CASZ1: variants seen among roughly 807,000 people sequenced by gnomAD.
CASZ1 encodes the protein zinc finger protein castor homolog 1.
CASZ1 carries 28 observed loss-of-function variants against 135.2 expected under a neutral mutation model. The ratio of observed to expected loss-of-function variants is 0.21; its 90% CI spans 0.15 to 0.28. The LOEUF is 0.28. Among genes scored for constraint, CASZ1 ranks in the 10% least tolerant of loss-of-function variants. The probability of loss-of-function intolerance (pLI) is 1.00; values close to 1 mark genes in which losing one functional copy is unlikely to be tolerated. For synonymous variants in CASZ1, 1,068 were observed against 1,073.4 expected (o/e 0.99, Z 0.10); for missense variants, 2,161 against 2,453.3 (o/e 0.88, Z 2.52).
At chr1:10,653,092 G>A (rs1642649289) in intron 11 of CASZ1, 3 of 483,266 alleles carry the variant, frequency 6.2e-6, no homozygotes, top group South Asian at 4.1e-5. Context: ...GACCTGCAGT[G>A]GCCCCAGGGA....
rs1382673018 is a variant in CASZ1, at chr1:10,697,342, G to C, written c.-23-3430C>G. ...CCATCTTTGCCTTGAGGACACCTGA[G>C]ACCCCAAAGCCAGGCCACAGTGAGG... On this transcript the variant is annotated intron_variant, in intron 3 of 20. Coordinates refer to ENST00000377022, the MANE Select transcript of CASZ1 (RefSeq NM_001079843.3). The surrounding 1 kb of genome is among the most constrained non-coding windows in gnomAD (Gnocchi z 4.7). Among the ~76,000 whole-genome samples, 1 of 151,890 alleles carries C rather than the reference G, an allele frequency of 6.6e-6. No homozygotes were observed. Among genetic ancestry groups the C allele is most frequent in the African/African-American group, 2.4e-5 (1 of 41,282 alleles).
At chr1:10,693,303 A>G (rs1638823933) in intron 4 of CASZ1, among the ~76,000 whole-genome samples, 1 of 152,094 alleles carries the variant, frequency 6.6e-6, no homozygotes, top group South Asian at 2.1e-4. Context: ...CTCATTAGCC[A>G]TAATAAGCAG....
In CASZ1 at chr1:10,644,979, G is replaced by A. The variant is rs769941058; in HGVS notation, c.3806C>T (p.Ala1269Val). Reference protein sequence around the residue: ...LPWHIKKHEKAERRAANGFKY... With the variant: ...LPWHIKKHEKVERRAANGFKY... ...GAAGCCATTGGCTGCCCGCCGCTCC[G>A]CCTTCTCATGCTTCTTGATGTGCCA... The change falls in exon 18 of 21, where the codon GCG becomes GTG. Residue 1269 changes from alanine to valine, a missense_variant. By Grantham distance (64) the Ala-to-Val change is moderately conservative. Transcript: ENST00000377022. 34 of 1,613,860 alleles carry A rather than the reference G, an allele frequency of 2.1e-5. No homozygotes were observed. The highest frequency in any genetic ancestry group is 3.3e-5 in the South Asian group (3 of 91,086).
chr1:10,669,027 G>A (rs1484977077), intron 4 of CASZ1, among the ~76,000 whole-genome samples: 1 of 152,222 alleles, frequency 6.6e-6, no homozygotes, highest in Non-Finnish European at 1.5e-5. Context: ...CTCTCAGGGC[G>A]CCACGAGCAG....
intron 2 of CASZ1, among the ~76,000 whole-genome samples, chr1:10,758,492 C>T (rs534504062): frequency 5.3e-5 from 8 of 152,162 alleles, no homozygotes; most frequent in South Asian, 4.2e-4. Flanking sequence ...CCACTATACA[C>T]GGCTAATTTT....
chr1:10,750,934 AAAT>A (rs1640139364), intron 2 of CASZ1, among the ~76,000 whole-genome samples: 1 of 150,674 alleles, frequency 6.6e-6, no homozygotes. Context: ...ATAAAATAAA[AAAT>A]AAAAGGAGGC....
Position 10,643,018 on chromosome 1 carries a change from T to C in CASZ1, c.4021-18A>G, listed in dbSNP as rs1056895613. 1 of 1,609,382 alleles carries C rather than the reference T, an allele frequency of 6.2e-7. No individual in the cohort carries two copies. ...GGGGGGCCCTGAAAGGACACGGGGG[T>C]CCCTGAGGAAGTGGGGCTGTGGGGT... On this transcript the variant is annotated intron_variant, in intron 19 of 20. Coordinates refer to ENST00000377022, the MANE Select transcript of CASZ1 (RefSeq NM_001079843.3).
intron 2 of CASZ1, among the ~76,000 whole-genome samples, chr1:10,738,733 G>A (rs1288656917): frequency 1.3e-5 from 2 of 152,196 alleles, no homozygotes; most frequent in African/African-American, 4.8e-5. Context: ...GGGAGGAGAG[G>A]GAGGCAGGCC....
chr1:10,690,194 G>A (rs1638719343), intron 4 of CASZ1, among the ~76,000 whole-genome samples: 1 of 152,230 alleles, frequency 6.6e-6, no homozygotes, highest in Non-Finnish European at 1.5e-5. Context: ...CCCGGTGCCT[G>A]GCAGGTCGAA....
chr1:10,715,059 C>G (rs750228958), intron 2 of CASZ1, among the ~76,000 whole-genome samples: 1 of 152,228 alleles, frequency 6.6e-6, no homozygotes, highest in African/African-American at 2.4e-5. Context: ...ACGGGCTCCA[C>G]CTTTCCTCGG....
chr1:10,636,788 C>T lies in CASZ1; in HGVS notation c.*2154G>A, dbSNP rs935515188. On this transcript the variant is annotated 3_prime_UTR_variant, in exon 21 of 21. Transcript: ENST00000377022. Reference sequence around the variant, plus strand: ...ACCAGATTCAAGTAATCAGAGCACACGCTGTTCAGCTCGGGTTTCACGTTC... The same window carrying T: ...ACCAGATTCAAGTAATCAGAGCACATGCTGTTCAGCTCGGGTTTCACGTTC... 3.3e-5 allele frequency: 5 copies of T among 152,258 alleles called. No homozygotes were observed. Among genetic ancestry groups the T allele is most frequent in the East Asian group, 1.9e-4 (1 of 5,188 alleles). 9.4% of individuals were successfully genotyped at this position (152,258 alleles called of 1,614,324 possible).
Position 10,653,696 on chromosome 1 carries a change from G to A in CASZ1, c.2361C>T (p.Ala787=), listed in dbSNP as rs973215221. The A allele has an allele frequency of 1.5e-5, 24 of 1,586,784 alleles. No individual in the cohort carries two copies. Among genetic ancestry groups the A allele is most frequent in the Non-Finnish European group, 2.1e-5 (24 of 1,166,582 alleles). Reference sequence around the variant, plus strand: ...GCAGGCCCGAGTTGGAGAGGGCCAGGGCCAGGGGGATTGAGCCAGGCAGGC... The same window carrying A: ...GCAGGCCCGAGTTGGAGAGGGCCAGAGCCAGGGGGATTGAGCCAGGCAGGC... ...PQGLPGSIPL[A]LALSNSGLPT... Residue 787 remains alanine, a synonymous_variant, in exon 11 of 21, where the codon GCC becomes GCT. Coordinates refer to ENST00000377022, the MANE Select transcript of CASZ1 (RefSeq NM_001079843.3).
intron 1 of CASZ1, among the ~76,000 whole-genome samples, chr1:10,766,580 T>C (rs1202355449): frequency 6.6e-6 from 1 of 152,094 alleles, no homozygotes; most frequent in Non-Finnish European, 1.5e-5. Context: ...GTGAAGCCTG[T>C]GGTAACACCC....
intron 4 of CASZ1, among the ~76,000 whole-genome samples, chr1:10,668,870 T>A (rs1326218725): frequency 2.0e-5 from 3 of 152,218 alleles, no homozygotes; most frequent in Non-Finnish European, 4.4e-5. Flanking sequence ...CAGGCAGATG[T>A]GGTGCCACAC....
At position 10,679,553 on chromosome 1, in the gene CASZ1, C is replaced by T. The variant is rs1033274153; in HGVS notation, c.17-13982G>A. Among the ~76,000 whole-genome samples the T allele has an allele frequency of 2.4e-4, 36 of 152,200 alleles. No individual in the cohort carries two copies. The highest frequency in any genetic ancestry group is 2.5e-4 in the Non-Finnish European group (17 of 68,032). On this transcript the variant is annotated intron_variant, in intron 4 of 20. Transcript: ENST00000377022. The surrounding 1 kb of genome is among the most constrained non-coding windows in gnomAD (Gnocchi z 4.7). ...TCCTAGGGCCCCCCGCGGGCCCCTC[C>T]TCCCCATACCATAGTCCTGGTTCCC...
At chr1:10,716,562 G>A (rs563071146) in intron 2 of CASZ1, among the ~76,000 whole-genome samples, 6 of 152,370 alleles carry the variant, frequency 3.9e-5, no homozygotes, top group South Asian at 4.1e-4. Context: ...CCAGACCCAA[G>A]GGAAGGGGCT....
At chr1:10,682,804 TC>T (rs1159663938) in intron 4 of CASZ1, among the ~76,000 whole-genome samples, 1 of 152,198 alleles carries the variant, frequency 6.6e-6, no homozygotes, top group Non-Finnish European at 1.5e-5. Flanking sequence ...CCCAAAGTGA[TC>T]CTTCCTATCA....
chr1:10,665,452 T>TCTC lies in CASZ1; in HGVS notation c.133_135dup (p.Glu45dup). ...GTGTGGGAGCCGGCGTCAGCTCGCT[T>TCTC]CTCCACCACCACCTGGCGGCTCAGC... On this transcript the variant is annotated inframe_insertion, in exon 5 of 21. Transcript: ENST00000377022. 1 of 1,610,564 alleles carries TCTC rather than the reference T, an allele frequency of 6.2e-7. No individual in the cohort carries two copies.
intron 2 of CASZ1, among the ~76,000 whole-genome samples, chr1:10,718,485 G>C (rs1008701342): frequency 6.6e-6 from 1 of 152,264 alleles, no homozygotes; most frequent in Non-Finnish European, 1.5e-5. Context: ...CATCCAGTCT[G>C]TCCACCTGCT....
Sources: gnomAD v4.1 joint callset for allele counts (sites outside exome capture counted in the v4.1 genomes callset) on GRCh38, gnomAD v4.1.1 for gene constraint, Gnocchi (gnomAD v3.1) non-coding constraint, MANE v1.5 for transcripts, NCBI Gene and HGNC (gene_info 2026-07-23, HGNC 2026-07-21) for gene names.